Variants in ANKRD6 observed in about 807,000 individuals in gnomAD.
ANKRD6 encodes the protein ankyrin repeat domain 6.
A neutral mutation model predicts 82.3 loss-of-function variants in ANKRD6; 56 were observed. That is an observed-to-expected ratio of 0.68 (90% CI 0.55 to 0.85). ANKRD6 has a LOEUF of 0.85. Ranked by LOEUF, ANKRD6 falls within the 40% of genes least tolerant of loss-of-function variation. The pLI is 0.00. For synonymous variants in ANKRD6, 347 were observed against 352.1 expected (o/e 0.99, Z 0.16); for missense variants, 852 against 907.6 (o/e 0.94, Z 0.79).
intron 1 of ANKRD6, among the ~76,000 whole-genome samples, chr6:89,454,232 A>G (rs1337905225): frequency 1.3e-5 from 2 of 152,104 alleles, no homozygotes; most frequent in Admixed American, 6.5e-5. Context: ...GAGTCTTCGC[A>G]TGGTGGTGAT....
At chr6:89,460,374 C>A (rs981215843) in intron 1 of ANKRD6, among the ~76,000 whole-genome samples, 5 of 151,880 alleles carry the variant, frequency 3.3e-5, no homozygotes, top group Non-Finnish European at 7.4e-5. Context: ...AGATAAGTAA[C>A]TATTAAAATT....
At chr6:89,522,742 A>G (rs1406646770) in intron 1 of ANKRD6, among the ~76,000 whole-genome samples, 2 of 152,156 alleles carry the variant, frequency 1.3e-5, no homozygotes, top group Non-Finnish European at 2.9e-5. Context: ...TTGATTTTAG[A>G]GAAATTTCCC....
At position 89,630,729 on chromosome 6, in the gene ANKRD6, G is replaced by A. The variant is rs370260550; in HGVS notation, c.1909G>A (p.Ala637Thr). ...GPTRHRAQQPAASSTCGQPPP... is the reference protein window; with the variant it reads ...GPTRHRAQQPTASSTCGQPPP... ...AACAAGGCATCGTGCCCAGCAACCC[G>A]CAGCCAGCAGCACCTGTGGGCAGCC... is the stretch of plus-strand genomic sequence containing the variant. Residue 637 changes from alanine (A) to threonine (T), a missense_variant, in exon 16 of 16, where the codon GCA becomes ACA. By Grantham distance (58) the Ala-to-Thr change is moderately conservative (BLOSUM62 0). Transcript: ENST00000339746. The A allele has an allele frequency of 2.5e-5, 41 of 1,613,606 alleles. 1 individual carries two copies. In the Middle Eastern group the frequency reaches 9.9e-4, roughly 39 times the overall value.
chr6:89,527,631 A>G (rs1472607033), intron 1 of ANKRD6, among the ~76,000 whole-genome samples: 2 of 151,574 alleles, frequency 1.3e-5, no homozygotes, highest in Non-Finnish European at 2.9e-5. Context: ...AAAAAAGAAA[A>G]AGAAAAGAAA....
At chr6:89,533,570 C>T (rs749956574) in intron 1 of ANKRD6, among the ~76,000 whole-genome samples, 2 of 152,076 alleles carry the variant, frequency 1.3e-5, no homozygotes, top group Non-Finnish European at 2.9e-5. Context: ...TTCCTCTGCC[C>T]CAGTAAATGG....
intron 13 of ANKRD6, among the ~76,000 whole-genome samples, chr6:89,625,924 G>A (rs780989759): frequency 1.3e-5 from 2 of 151,858 alleles, no homozygotes; most frequent in Non-Finnish European, 2.9e-5. Flanking sequence ...TGGTAGAGAC[G>A]GGGTTTCACC....
intron 1 of ANKRD6, among the ~76,000 whole-genome samples, chr6:89,456,104 A>G (rs1357578899): frequency 2.0e-5 from 3 of 152,062 alleles, no homozygotes; most frequent in African/African-American, 7.2e-5. Context: ...GGAACTCCTG[A>G]CCTCAAGTGA....
At chr6:89,574,191 T>G (rs1280466914) in intron 2 of ANKRD6, among the ~76,000 whole-genome samples, 4 of 152,236 alleles carry the variant, frequency 2.6e-5, no homozygotes, top group Non-Finnish European at 5.9e-5. Context: ...GCAACATCAC[T>G]GACATTTTGG....
intron 1 of ANKRD6, among the ~76,000 whole-genome samples, chr6:89,438,621 T>C (rs1770946422): frequency 6.6e-6 from 1 of 152,324 alleles, no homozygotes; most frequent in South Asian, 2.1e-4. Context: ...GTCAATTAAG[T>C]GTAACTGCCT....
Position 89,433,571 on chromosome 6 carries a change from G to T in ANKRD6, c.-144+196G>T, listed in dbSNP as rs1301418763. Among the ~76,000 whole-genome samples the T allele has an allele frequency of 3.9e-5, 6 of 152,084 alleles. No homozygotes were observed. Among genetic ancestry groups the T allele is most frequent in the African/African-American group, 7.2e-5 (3 of 41,408 alleles). On this transcript the variant is annotated intron_variant, in intron 1 of 15. Transcript: ENST00000339746. This position sits in a 1 kb window ranked among gnomAD's most constrained non-coding sequence, Gnocchi z 4.3. ...CCTCCGAAAACGCCCGGCGCGAGGG[G>T]GTCCCCCCGGGGCGCCTCCCTCTTC...
chr6:89,522,113 G>A (rs1360343493), intron 1 of ANKRD6, among the ~76,000 whole-genome samples: 1 of 152,182 alleles, frequency 6.6e-6, no homozygotes, highest in African/African-American at 2.4e-5. Flanking sequence ...TTTTCAGTGT[G>A]CGCATTATGG....
intron 7 of ANKRD6, among the ~76,000 whole-genome samples, chr6:89,616,081 C>T (rs1009513624): frequency 3.3e-5 from 5 of 152,238 alleles, no homozygotes; most frequent in African/African-American, 1.2e-4. Context: ...GCAGGCTGGC[C>T]TGTCACCTCT....
At chr6:89,440,103 C>T (rs1771184899) in intron 1 of ANKRD6, among the ~76,000 whole-genome samples, 1 of 152,046 alleles carries the variant, frequency 6.6e-6, no homozygotes, top group Admixed American at 6.6e-5. Flanking sequence ...CAGCTGGGAG[C>T]CCTGTAACAA....
chr6:89,602,799 G>C, intron 3 of ANKRD6: 1 of 520,498 alleles, frequency 1.9e-6, no homozygotes. Context: ...CTTGCTGTCG[G>C]CTTAAGGTCC....
chr6:89,576,438 C>A (rs941903195), intron 2 of ANKRD6, among the ~76,000 whole-genome samples: 1 of 152,174 alleles, frequency 6.6e-6, no homozygotes, highest in South Asian at 2.1e-4. Context: ...GATAAAAGCA[C>A]TGGGTATGCT....
chr6:89,460,560 T>C (rs1387747562), intron 1 of ANKRD6, among the ~76,000 whole-genome samples: 1 of 151,502 alleles, frequency 6.6e-6, no homozygotes, highest in Non-Finnish European at 1.5e-5. Context: ...CCTCAGCCTC[T>C]GAGTAGCTGG....
At chr6:89,558,096 C>T (rs1294835496) in intron 1 of ANKRD6, among the ~76,000 whole-genome samples, 2 of 152,170 alleles carry the variant, frequency 1.3e-5, no homozygotes, top group African/African-American at 4.8e-5. Context: ...GAAAAACTGT[C>T]TTCCATTAAA....
intron 5 of ANKRD6, 64 bp downstream of exon 5, chr6:89,606,169 C>T: frequency 7.6e-7 from 1 of 1,318,078 alleles, no homozygotes. Flanking sequence ...GTTTCTCCCC[C>T]TGTGGGAGCC....
intron 7 of ANKRD6, 48 bp from the exon 8 acceptor site, chr6:89,616,511 G>A (rs967878367): frequency 6.3e-7 from 1 of 1,577,768 alleles, no homozygotes; most frequent in Admixed American, 1.7e-5. Context: ...GCTGGGGGCT[G>A]TAGGCCATGA....
Sources: gnomAD v4.1 joint callset for allele counts (sites outside exome capture counted in the v4.1 genomes callset) on GRCh38, gnomAD v4.1.1 for gene constraint, Gnocchi (gnomAD v3.1) non-coding constraint, MANE v1.5 for transcripts, NCBI Gene and HGNC (gene_info 2026-07-23, HGNC 2026-07-21) for gene names.